Variants in TUBB3 observed in about 807,000 individuals in gnomAD.
The protein encoded by TUBB3 is tubulin beta 3 class III.
A neutral mutation model predicts 37.8 loss-of-function variants in TUBB3; 17 were observed. The observed-to-expected ratio is 0.45, with a 90% CI of 0.31 to 0.67. TUBB3 has a LOEUF of 0.67. Among genes scored for constraint, TUBB3 ranks in the 30% least tolerant of loss-of-function variants. The probability of loss-of-function intolerance (pLI) is 0.07; values close to 1 mark genes in which losing one functional copy is unlikely to be tolerated. For synonymous variants in TUBB3, 332 were observed against 278.9 expected, an observed-to-expected ratio of 1.19 and a Z score of -1.90; for missense variants, 262 against 657.9, an observed-to-expected ratio of 0.40 and a Z score of 6.58.
intron 2 of TUBB3, chr16:89,933,224 G>A (rs1004903644): frequency 1.5e-6 from 1 of 688,564 alleles, no homozygotes; most frequent in African/African-American, 1.8e-5. Context: ...CCCTGCATCT[G>A]GTGGACGTCT....
upstream of TUBB3, chr16:89,923,328 C>T (rs2029951178): frequency 3.9e-6 from 5 of 1,280,614 alleles, no homozygotes; most frequent in African/African-American, 1.6e-5. Context: ...AGCGCGCGGC[C>T]GCGGTCCCCG....
At chr16:89,921,951 G>C (rs1234993237), upstream of TUBB3, 3 of 152,434 alleles carry the variant, frequency 2.0e-5, no homozygotes, top group African/African-American at 4.8e-5. Flanking sequence ...GATGGAGCAG[G>C]AGCTGGCTGC....
chr16:89,933,654 G>C, intron 3 of TUBB3, 76 bp downstream of exon 3: 1 of 1,148,740 alleles, frequency 8.7e-7, no homozygotes, highest in East Asian at 2.3e-5. Flanking sequence ...GGGGACGGCT[G>C]TGAGAAACAA....
intron 1 of TUBB3, among the ~76,000 whole-genome samples, chr16:89,926,331 G>A (rs1223644735): frequency 1.3e-5 from 2 of 152,214 alleles, no homozygotes; most frequent in African/African-American, 4.8e-5. Context: ...CCGCCCTCTC[G>A]CCTGAAAGAC....
chr16:89,926,110 C>CT (rs894593006), intron 1 of TUBB3, among the ~76,000 whole-genome samples: 2 of 152,214 alleles, frequency 1.3e-5, no homozygotes, highest in African/African-American at 4.8e-5. Context: ...GACGCTGCCC[C>CT]ACTGCCGCAG....
chr16:89,930,542 G>C (rs2030246156), intron 1 of TUBB3, among the ~76,000 whole-genome samples: 1 of 151,856 alleles, frequency 6.6e-6, no homozygotes, highest in South Asian at 2.1e-4. Context: ...TTCTGCCTCA[G>C]CTTCCGGAGT....
chr16:89,934,429 T>G (rs771420323), intron 3 of TUBB3: 9 of 572,076 alleles, frequency 1.6e-5, no homozygotes, highest in Non-Finnish European at 2.7e-5. Flanking sequence ...GGAAGGAAGG[T>G]ATGCTGGAGC....
At chr16:89,927,847 C>T (rs975732602) in intron 1 of TUBB3, among the ~76,000 whole-genome samples, 1 of 152,198 alleles carries the variant, frequency 6.6e-6, no homozygotes, top group Non-Finnish European at 1.5e-5. Flanking sequence ...AGAGGACTTC[C>T]CATAGATGTG....
chr16:89,932,856 A>G (rs750131389), intron 2 of TUBB3, 177 bp downstream of exon 2: 8 of 644,454 alleles, frequency 1.2e-5, no homozygotes, highest in Non-Finnish European at 2.2e-5. Context: ...GACGCACAGA[A>G]CAGACAATAA....
chr16:89,934,565 A>C (rs1475821104), intron 3 of TUBB3, 164 bp from the exon 4 acceptor site: 2 of 719,888 alleles, frequency 2.8e-6, no homozygotes, highest in African/African-American at 3.5e-5. Flanking sequence ...GGCTCAGGGA[A>C]GCCACGGCGG....
At chr16:89,922,683 T>G (rs1597417473), upstream of TUBB3, 1 of 152,196 alleles carries the variant, frequency 6.6e-6, no homozygotes, top group Non-Finnish European at 1.5e-5. Context: ...TGGACGCTCA[T>G]GGCAGCCCCT....
intron 1 of TUBB3, among the ~76,000 whole-genome samples, chr16:89,928,587 C>T (rs1394356455): frequency 6.6e-6 from 1 of 150,694 alleles, no homozygotes; most frequent in Non-Finnish European, 1.5e-5. Context: ...CACGGTGGCA[C>T]AATCTCGGTT....
At chr16:89,934,279 G>A (rs937022267) in intron 3 of TUBB3, 3 of 467,006 alleles carry the variant, frequency 6.4e-6, no homozygotes, top group East Asian at 6.6e-5. Flanking sequence ...GGCCGTGGAC[G>A]CGCCACAGAA....
intron 1 of TUBB3, among the ~76,000 whole-genome samples, chr16:89,930,324 C>T (rs147737288): frequency 3.2e-3 from 483 of 151,448 alleles, no homozygotes; most frequent in Middle Eastern, 7.0e-3. Flanking sequence ...AGGCTGGTCT[C>T]GAACTCCTGA....
At position 89,934,865 on chromosome 16, in the gene TUBB3, G is replaced by A. The variant is rs113548504; in HGVS notation, c.414G>A (p.Ser138=). The change falls in exon 4 of 4, where the codon TCG becomes TCA. Residue 138 remains serine, a synonymous_variant. Transcript: ENST00000315491. The part of the protein sequence containing the change: ...DCLQGFQLTH[S]LGGGTGSGMG... ...TGCAGGGCTTCCAGCTGACCCACTCGCTGGGGGGCGGCACGGGCTCCGGCA... is the reference window on the plus strand; with the variant it reads ...TGCAGGGCTTCCAGCTGACCCACTCACTGGGGGGCGGCACGGGCTCCGGCA... The A allele has an allele frequency of 4.5e-5, 72 of 1,614,148 alleles. No individual in the cohort carries two copies. Among genetic ancestry groups the A allele is most frequent in the African/African-American group, 9.3e-5 (7 of 75,044 alleles).
chr16:89,935,103 G>A lies in TUBB3; in HGVS notation c.652G>A (p.Ala218Thr). 1 of 1,614,158 alleles carries A rather than the reference G, an allele frequency of 6.2e-7. No individual in the cohort carries two copies. Among genetic ancestry groups the A allele is most frequent in the Non-Finnish European group, 8.5e-7 (1 of 1,180,016 alleles). Residue 218 changes from alanine to threonine, a missense_variant, in exon 4 of 4, where the codon GCC becomes ACC. Coordinates refer to ENST00000315491, the MANE Select transcript of TUBB3 (RefSeq NM_006086.4). The stretch of plus-strand genomic sequence containing the variant: ...CATCTGCTTCCGCACCCTCAAGCTG[G>A]CCACGCCCACCTACGGGGACCTCAA... ...YDICFRTLKL[A>T]TPTYGDLNHL... is the part of the protein sequence containing the mutation.
chr16:89,932,546 C>A (rs764167968), intron 1 of TUBB3, 25 bp from the exon 2 acceptor site: 2 of 1,602,206 alleles, frequency 1.2e-6, no homozygotes, highest in Non-Finnish European at 1.7e-6. Context: ...CGGTGCCGAC[C>A]CCCCCTCTCC....
At chr16:89,931,821 G>C (rs59670900) in intron 1 of TUBB3, 24,530 of 400,172 alleles carry the variant, frequency 0.061, 1,248 homozygotes, top group Middle Eastern at 0.21. Context: ...AGCAGAGTCC[G>C]AGAAGCACTG....
chr16:89,923,373 T>C lies in TUBB3; in HGVS notation c.-29T>C. 1 of 1,452,610 alleles carries C rather than the reference T, an allele frequency of 6.9e-7. No individual in the cohort carries two copies. Among genetic ancestry groups the C allele is most frequent in the Non-Finnish European group, 9.1e-7 (1 of 1,098,254 alleles). The allele number at this position is 1,452,610 out of a possible 1,614,324, so 90.0% of individuals were successfully genotyped here. Reference sequence around the variant, plus strand: ...AGCCAGCCCGGCCCGCCCGCGCCCGTCCGCAGCCGCCCGCCAGACGCGCCC... The same window carrying C: ...AGCCAGCCCGGCCCGCCCGCGCCCGCCCGCAGCCGCCCGCCAGACGCGCCC... On this transcript the variant is annotated 5_prime_UTR_variant, in exon 1 of 4. Transcript: ENST00000315491.
Sources: gnomAD v4.1 joint callset for allele counts (sites outside exome capture counted in the v4.1 genomes callset) on GRCh38, gnomAD v4.1.1 for gene constraint, MANE v1.5 for transcripts, NCBI Gene and HGNC (gene_info 2026-07-23, HGNC 2026-07-21) for gene names.